Variants in MAP6 observed in about 807,000 individuals in gnomAD.
The protein encoded by MAP6 is microtubule associated protein 6, also known as microtubule-associated protein 6.
In MAP6, 26 loss-of-function variants were observed where a neutral mutation model predicts 42.4. The observed-to-expected ratio is 0.61, with a 90% CI of 0.45 to 0.85. The LOEUF (loss-of-function observed/expected upper bound fraction) is 0.85. Ranked by LOEUF, MAP6 falls within the 40% of genes least tolerant of loss-of-function variation. The probability of loss-of-function intolerance (pLI) is 0.00; values close to 1 mark genes in which losing one functional copy is unlikely to be tolerated. For missense variants in MAP6, 966 were observed against 1,099.0 expected (o/e 0.88, Z 1.71); for synonymous variants, 418 against 443.8 (o/e 0.94, Z 0.73).
intron 2 of MAP6, 88 bp downstream of exon 2, chr11:75,608,021 G>C: frequency 7.5e-7 from 1 of 1,337,502 alleles, no homozygotes; most frequent in Non-Finnish European, 1.1e-6. Context: ...GGCTGGGCCA[G>C]ATTTGACAGC....
intron 1 of MAP6, among the ~76,000 whole-genome samples, chr11:75,619,455 C>A (rs547256229): frequency 6.6e-6 from 1 of 152,250 alleles, no homozygotes; most frequent in Non-Finnish European, 1.5e-5. Flanking sequence ...TCATCACCCA[C>A]GTATTAAGTC....
At position 75,588,605 on chromosome 11, in the gene MAP6, A is replaced by G. The variant is rs2135568183; in HGVS notation, c.1317-421T>C. ...TCTCAGCTGCCCACCAGATGCCCCC[A>G]CAGGCCAGGGTGCTCTTTTCTTGTT... is the stretch of plus-strand genomic sequence containing the variant. On this transcript the variant is annotated intron_variant, in intron 3 of 3. Coordinates refer to ENST00000304771, the MANE Select transcript of MAP6 (RefSeq NM_033063.2). Among the ~76,000 whole-genome samples the G allele has an allele frequency of 2.6e-5, 4 of 152,110 alleles. No homozygotes were observed. In the South Asian group the frequency reaches 8.3e-4, roughly 32 times the overall value.
intron 1 of MAP6, among the ~76,000 whole-genome samples, chr11:75,646,049 C>A (rs549598993): frequency 3.0e-4 from 46 of 151,346 alleles, no homozygotes; most frequent in Middle Eastern, 3.4e-3. Flanking sequence ...AGGAAAATAA[C>A]TAGTCTCAAG....
intron 1 of MAP6, among the ~76,000 whole-genome samples, chr11:75,655,609 A>G (rs187119335): frequency 6.6e-6 from 1 of 152,338 alleles, no homozygotes; most frequent in Admixed American, 6.5e-5. Context: ...ATCTGTTGAG[A>G]GTTTAGGAAA....
intron 3 of MAP6, chr11:75,594,048 TGTTAATTCCAAAGC>T (rs1334933541): frequency 5.3e-5 from 8 of 152,202 alleles, no homozygotes; most frequent in African/African-American, 1.7e-4. Flanking sequence ...GTTTAGCAAA[TGTTAATTCCAAAGC>T]GGGGCTTGCT....
At position 75,587,468 on chromosome 11, in the gene MAP6, C is replaced by T. The variant is rs1228412455; in HGVS notation, c.2033G>A (p.Gly678Glu). 4 of 1,613,798 alleles carry T rather than the reference C, an allele frequency of 2.5e-6. No homozygotes were observed. Among genetic ancestry groups the T allele is most frequent in the Non-Finnish European group, 2.5e-6 (3 of 1,179,974 alleles). Residue 678 changes from glycine to glutamate, a missense_variant, in exon 4 of 4, where the codon GGG becomes GAG. Gly to Glu is a moderately conservative substitution (Grantham distance 98). Transcript: ENST00000304771. ...TACAACATCTTGATCCTTGACTGGCCCTGAGACCACTAAACCTTGATTCTT... is the reference window on the plus strand; with the variant it reads ...TACAACATCTTGATCCTTGACTGGCTCTGAGACCACTAAACCTTGATTCTT... ...PVKNQGLVVS[G>E]PVKDQDVVVP...
chr11:75,590,396 C>A (rs1270043776), intron 3 of MAP6, among the ~76,000 whole-genome samples: 1 of 152,134 alleles, frequency 6.6e-6, no homozygotes, highest in Non-Finnish European at 1.5e-5. Context: ...CCTGGAGTCT[C>A]CTGCTGGCCT....
At chr11:75,655,316 G>C (rs866947581) in intron 1 of MAP6, among the ~76,000 whole-genome samples, 1 of 152,178 alleles carries the variant, frequency 6.6e-6, no homozygotes, top group Non-Finnish European at 1.5e-5. Flanking sequence ...AAAGGATTTA[G>C]AAAGAAGATG....
At chr11:75,600,277 C>G (rs1377244385) in intron 3 of MAP6, among the ~76,000 whole-genome samples, 1 of 152,130 alleles carries the variant, frequency 6.6e-6, no homozygotes, top group Non-Finnish European at 1.5e-5. Flanking sequence ...CACTAATGCT[C>G]CAGGAGGTTA....
At position 75,587,559 on chromosome 11, in the gene MAP6, T is replaced by C; in HGVS notation, c.1942A>G (p.Lys648Glu). The C allele has an allele frequency of 1.2e-6, 2 of 1,614,226 alleles. No homozygotes were observed. The highest frequency in any genetic ancestry group is 1.7e-6 in the Non-Finnish European group (2 of 1,180,040). ...DQDPMVPEHPKDESAMATAPI... is the reference protein window; with the variant it reads ...DQDPMVPEHPEDESAMATAPI... Reference sequence around the variant, plus strand: ...GCTGTGGCCATGGCACTTTCATCCTTCGGATGCTCTGGGACCATGGGATCT... The same window carrying C: ...GCTGTGGCCATGGCACTTTCATCCTCCGGATGCTCTGGGACCATGGGATCT... Residue 648 changes from lysine (K) to glutamate (E), a missense_variant, in exon 4 of 4, where the codon AAG (lysine) becomes GAG (glutamate). By Grantham distance (56) the Lys-to-Glu change is moderately conservative. Transcript: ENST00000304771.
chr11:75,624,121 G>C (rs1433717471), intron 1 of MAP6, among the ~76,000 whole-genome samples: 4 of 152,064 alleles, frequency 2.6e-5, no homozygotes, highest in Non-Finnish European at 2.9e-5. Context: ...TTTTACTTTC[G>C]GCAAGCTTTT....
chr11:75,603,434 T>C lies in MAP6; in HGVS notation c.1316+2374A>G, dbSNP rs1011821508. On this transcript the variant is annotated intron_variant, in intron 3 of 3. Coordinates refer to ENST00000304771, the MANE Select transcript of MAP6 (RefSeq NM_033063.2). Reference sequence around the variant, plus strand: ...ACAGTAGAAATCAAAGGAAGTCTCTTGCCAGTAAAGTGACACATTCAAGAG... The same window carrying C: ...ACAGTAGAAATCAAAGGAAGTCTCTCGCCAGTAAAGTGACACATTCAAGAG... The C allele has an allele frequency of 1.3e-5, 13 of 985,632 alleles. No individual in the cohort carries two copies. In the African/African-American group the frequency reaches 2.1e-4, roughly 16 times the overall value. 61.1% of individuals were successfully genotyped at this position (985,632 alleles called of 1,614,324 possible).
intron 1 of MAP6, among the ~76,000 whole-genome samples, chr11:75,643,244 A>T (rs1186555653): frequency 2.7e-5 from 4 of 150,598 alleles, no homozygotes; most frequent in South Asian, 2.1e-4. Flanking sequence ...AAATATATAA[A>T]TTTTTTTTCT....
chr11:75,607,622 A>G (rs1942804471), intron 2 of MAP6: 1 of 983,258 alleles, frequency 1.0e-6, no homozygotes, highest in African/African-American at 1.8e-5. Context: ...TTAGCCCGAG[A>G]AGATGAGAGA....
chr11:75,642,027 TTAAA>T (rs1943478764), intron 1 of MAP6, among the ~76,000 whole-genome samples: 1 of 152,246 alleles, frequency 6.6e-6, no homozygotes, highest in Non-Finnish European at 1.5e-5. Flanking sequence ...AAATATACAA[TTAAA>T]TAAATTACAC....
At chr11:75,644,775 A>G (rs1943528060) in intron 1 of MAP6, among the ~76,000 whole-genome samples, 1 of 152,240 alleles carries the variant, frequency 6.6e-6, no homozygotes, top group Non-Finnish European at 1.5e-5. Flanking sequence ...TGATTTATAT[A>G]GAAAATCTAA....
intron 3 of MAP6, 95 bp from the exon 4 acceptor site, chr11:75,588,279 C>T (rs1206643378): frequency 5.1e-6 from 6 of 1,172,060 alleles, no homozygotes; most frequent in Non-Finnish European, 7.2e-6. Flanking sequence ...CCTAGTGGAG[C>T]CTGGGCCGGG....
At chr11:75,588,361 A>AG (rs1471051151) in intron 3 of MAP6, among the ~76,000 whole-genome samples, 177 bp from the exon 4 acceptor site, 1 of 111,282 alleles carries the variant, frequency 9.0e-6, no homozygotes, top group Non-Finnish European at 1.9e-5. Context: ...GGGGTGAGGG[A>AG]GGGGGGTGAG....
chr11:75,655,102 G>A (rs781014570), intron 1 of MAP6, among the ~76,000 whole-genome samples: 2 of 152,138 alleles, frequency 1.3e-5, no homozygotes, highest in Admixed American at 1.3e-4. Context: ...GCAAACAGGG[G>A]TCATGTGCTC....
Sources: allele counts gnomAD v4.1 joint callset (sites outside exome capture counted in the v4.1 genomes callset), GRCh38; gene constraint gnomAD v4.1.1; transcripts MANE v1.5; gene names NCBI Gene and HGNC (gene_info 2026-07-23, HGNC 2026-07-21).